FHIT: variants seen among roughly 807,000 people sequenced by gnomAD.
FHIT encodes the protein bis(5'-adenosyl)-triphosphatase.
A neutral mutation model predicts 17.9 loss-of-function variants in FHIT; 19 were observed. The observed-to-expected ratio is 1.06, with a 90% CI of 0.74 to 1.56. The LOEUF is 1.56. FHIT is among the 40% of genes most tolerant of loss of function. FHIT has a pLI of 0.00. For synonymous variants in FHIT, 81 were observed against 69.7 expected (o/e 1.16, Z -0.81); for missense variants, 248 against 189.2 (o/e 1.31, Z -1.82).
At chr3:61,102,684 T>C (rs1197591478) in intron 2 of FHIT, among the ~76,000 whole-genome samples, 1 of 152,176 alleles carries the variant, frequency 6.6e-6, no homozygotes, top group Non-Finnish European at 1.5e-5. Context: ...TTTCTAGTCC[T>C]GGACTTTTTT....
chr3:61,172,448 T>A (rs1438846628), intron 2 of FHIT, among the ~76,000 whole-genome samples: 2 of 152,084 alleles, frequency 1.3e-5, no homozygotes, highest in Non-Finnish European at 2.9e-5. Context: ...AGACACACAA[T>A]GGTTACTGCC....
At chr3:60,197,886 G>C (rs1014813834) in intron 5 of FHIT, among the ~76,000 whole-genome samples, 11 of 152,088 alleles carry the variant, frequency 7.2e-5, no homozygotes, top group Non-Finnish European at 1.6e-4. Flanking sequence ...CAGCAGCTTT[G>C]TAACTTCACA....
intron 5 of FHIT, among the ~76,000 whole-genome samples, chr3:60,355,088 G>A (rs1310832823): frequency 6.6e-6 from 1 of 152,110 alleles, no homozygotes; most frequent in Admixed American, 6.5e-5. Context: ...CAAAAGAAGG[G>A]TAAATTAGTC....
At chr3:60,503,311 C>T (rs575155914) in intron 5 of FHIT, among the ~76,000 whole-genome samples, 8 of 152,154 alleles carry the variant, frequency 5.3e-5, no homozygotes, top group Non-Finnish European at 1.2e-4. Context: ...AATGTTTTTC[C>T]ACTTTGCTTT....
chr3:60,982,153 C>T (rs1377674195), intron 3 of FHIT, among the ~76,000 whole-genome samples: 3 of 152,216 alleles, frequency 2.0e-5, no homozygotes, highest in Non-Finnish European at 4.4e-5. Flanking sequence ...ACTTAAAACC[C>T]TTCAGTGCTT....
At chr3:60,455,197 A>G (rs2032012543) in intron 5 of FHIT, among the ~76,000 whole-genome samples, 1 of 152,154 alleles carries the variant, frequency 6.6e-6, no homozygotes, top group South Asian at 2.1e-4. Flanking sequence ...TCAGATGTTA[A>G]AGTAGAATTC....
chr3:60,002,798 G>A (rs1699778925), intron 7 of FHIT, among the ~76,000 whole-genome samples: 1 of 152,144 alleles, frequency 6.6e-6, no homozygotes. Flanking sequence ...AAGCGCCTGA[G>A]GGGACTGAAT....
chr3:60,503,689 ATTAACT>A (rs901608591), intron 5 of FHIT, among the ~76,000 whole-genome samples: 12 of 152,204 alleles, frequency 7.9e-5, no homozygotes, highest in Non-Finnish European at 1.6e-4. Flanking sequence ...AATAAGAAAC[ATTAACT>A]TTAAACAATA....
chr3:61,140,829 T>C (rs2037060463), intron 2 of FHIT, among the ~76,000 whole-genome samples: 1 of 152,210 alleles, frequency 6.6e-6, no homozygotes, highest in Non-Finnish European at 1.5e-5. Flanking sequence ...GGGAGCATCA[T>C]TACTTTGAAA....
intron 3 of FHIT, among the ~76,000 whole-genome samples, chr3:60,994,449 T>C (rs1575811244): frequency 1.3e-5 from 2 of 152,318 alleles, no homozygotes. Flanking sequence ...TGCACAGTCC[T>C]TCACCCTCCT....
chr3:59,847,810 C>G (rs184601378), intron 8 of FHIT, among the ~76,000 whole-genome samples: 3 of 152,140 alleles, frequency 2.0e-5, no homozygotes, highest in Non-Finnish European at 4.4e-5. Context: ...GAGGTATAAA[C>G]TTAAAGTCTT....
At chr3:60,404,534 G>A (rs1576604597) in intron 5 of FHIT, among the ~76,000 whole-genome samples, 2 of 152,240 alleles carry the variant, frequency 1.3e-5, no homozygotes, top group South Asian at 4.2e-4. Flanking sequence ...CTAGTCAGAT[G>A]CTCATTCACA....
intron 8 of FHIT, among the ~76,000 whole-genome samples, chr3:59,844,760 G>T (rs1420219587): frequency 2.0e-5 from 3 of 152,132 alleles, no homozygotes; most frequent in Non-Finnish European, 4.4e-5. Flanking sequence ...ATGTTTATAA[G>T]GGATATTGGT....
chr3:60,084,032 G>C (rs1576061740), intron 5 of FHIT, among the ~76,000 whole-genome samples: 2 of 130,716 alleles, frequency 1.5e-5, no homozygotes, highest in African/African-American at 6.1e-5. Context: ...CATATTAAGT[G>C]GGGAAAAAAT....
chr3:59,763,315 G>A (rs555695161), intron 8 of FHIT, among the ~76,000 whole-genome samples: 4 of 152,146 alleles, frequency 2.6e-5, no homozygotes, highest in Non-Finnish European at 4.4e-5. Context: ...AAGATGCTAC[G>A]CAAACACACA....
chr3:60,618,935 G>C (rs115505018), intron 4 of FHIT, among the ~76,000 whole-genome samples: 12 of 152,020 alleles, frequency 7.9e-5, no homozygotes, highest in Non-Finnish European at 1.2e-4. Flanking sequence ...CAATGAAACA[G>C]AATCTCCCCT....
At chr3:61,208,608 A>C (rs931090852) in intron 1 of FHIT, among the ~76,000 whole-genome samples, 1 of 151,732 alleles carries the variant, frequency 6.6e-6, no homozygotes, top group Non-Finnish European at 1.5e-5. Context: ...TGGTTTAAAG[A>C]CTGTTTTATC....
At chr3:59,890,960 C>A (rs1206907501) in intron 8 of FHIT, among the ~76,000 whole-genome samples, 1 of 152,076 alleles carries the variant, frequency 6.6e-6, no homozygotes, top group African/African-American at 2.4e-5. Context: ...AAGAGATGGC[C>A]CTAAGTTAAT....
chr3:60,269,071 G>A (rs1706733548), intron 5 of FHIT, among the ~76,000 whole-genome samples: 1 of 152,178 alleles, frequency 6.6e-6, no homozygotes, highest in African/African-American at 2.4e-5. Context: ...CCCAGTGAGA[G>A]CCATTTAAGA....
Sources: gnomAD v4.1 joint callset for allele counts (sites outside exome capture counted in the v4.1 genomes callset) on GRCh38, gnomAD v4.1.1 for gene constraint, MANE v1.5 for transcripts, NCBI Gene and HGNC (gene_info 2026-07-23, HGNC 2026-07-21) for gene names.